The following CA10 variants were observed in gnomAD, a reference collection of about 807,000 sequenced individuals.
The protein encoded by CA10 is carbonic anhydrase-related protein 10.
Under a neutral mutation model 44.2 loss-of-function variants are expected in CA10, and 14 were observed. That is an observed-to-expected ratio of 0.32 (90% CI 0.21 to 0.50). The LOEUF (loss-of-function observed/expected upper bound fraction) is 0.50, where lower values mean the gene tolerates loss of function less well. Ranked by LOEUF, CA10 falls within the 20% of genes least tolerant of loss-of-function variation. The probability of loss-of-function intolerance (pLI) is 0.99; values close to 1 mark genes in which losing one functional copy is unlikely to be tolerated. For missense variants in CA10, 350 were observed against 409.7 expected, an observed-to-expected ratio of 0.85 and a Z score of 1.26; for synonymous variants, 159 against 141.6, an observed-to-expected ratio of 1.12 and a Z score of -0.87.
chr17:51,989,940 C>T (rs576760307), intron 2 of CA10, among the ~76,000 whole-genome samples: 92 of 152,068 alleles, frequency 6.0e-4, no homozygotes, highest in Non-Finnish European at 1.1e-3. Flanking sequence ...CCACATTTTA[C>T]AGAAGAGAAA....
intron 3 of CA10, among the ~76,000 whole-genome samples, chr17:51,754,990 A>G (rs573297484): frequency 3.3e-5 from 5 of 152,118 alleles, no homozygotes; most frequent in African/African-American, 1.2e-4. Context: ...TGTATATTAT[A>G]TATGATACAA....
rs1189166547 is a variant in CA10 at position 52,052,639 on chromosome 17, T to C, written c.136+19680A>G. Among the ~76,000 whole-genome samples, 3 of 152,158 alleles carry C rather than the reference T, an allele frequency of 2.0e-5. No homozygotes were observed. The East Asian group carries it at 5.8e-4, about 29-fold the overall frequency. On this transcript the variant is annotated intron_variant, in intron 2 of 8. Transcript: ENST00000451037. The stretch of plus-strand genomic sequence containing the variant: ...GTGAATAGGATCAGATTTAATAAAA[T>C]AATAAATAAATAACTAGGACTGAGA...
chr17:51,971,283 T>A (rs1984271924), intron 2 of CA10, among the ~76,000 whole-genome samples: 1 of 152,102 alleles, frequency 6.6e-6, no homozygotes, highest in Non-Finnish European at 1.5e-5. Flanking sequence ...AACATTATGC[T>A]TACTATCTTC....
At chr17:52,060,315 G>A (rs969009722) in intron 2 of CA10, among the ~76,000 whole-genome samples, 22 of 152,026 alleles carry the variant, frequency 1.4e-4, no homozygotes, top group African/African-American at 5.1e-4. Context: ...CAGAGGAGAC[G>A]AAAGAGACAT....
chr17:51,794,351 G>C lies in CA10; in HGVS notation c.280-46533C>G, dbSNP rs138490511. Among the ~76,000 whole-genome samples, 103 of 152,310 alleles carry C rather than the reference G, an allele frequency of 6.8e-4. 1 individual carries two copies. Among genetic ancestry groups the C allele is most frequent in the Admixed American group, 1.2e-3 (19 of 15,298 alleles). On this transcript the variant is annotated intron_variant, in intron 3 of 8. Transcript: ENST00000451037. ...TTCATTCTACCAGTAGAAAACTGAGGTCAGAGAGGCTACATGCTTGGTTGA... is the reference window on the plus strand; with the variant it reads ...TTCATTCTACCAGTAGAAAACTGAGCTCAGAGAGGCTACATGCTTGGTTGA...
chr17:51,643,881 A>C (rs946923708), intron 6 of CA10, among the ~76,000 whole-genome samples: 3 of 152,204 alleles, frequency 2.0e-5, no homozygotes, highest in African/African-American at 4.8e-5. Flanking sequence ...TCTCATGCCA[A>C]CCATCTCAAC....
At chr17:52,092,919 C>A (rs1697061675) in intron 1 of CA10, among the ~76,000 whole-genome samples, 1 of 152,110 alleles carries the variant, frequency 6.6e-6, no homozygotes, top group African/African-American at 2.4e-5. Flanking sequence ...CTATGTAAGT[C>A]CTCACTTAAT....
chr17:51,671,193 G>A (rs574519472), intron 4 of CA10, among the ~76,000 whole-genome samples: 2 of 152,036 alleles, frequency 1.3e-5, no homozygotes, highest in Admixed American at 6.5e-5. Context: ...ATTGGGGGCC[G>A]GCCTTTGGCT....
chr17:51,868,057 AACACACACACACACACACACAC>A (rs34631877), intron 3 of CA10, among the ~76,000 whole-genome samples: 1 of 144,848 alleles, frequency 6.9e-6, no homozygotes, highest in Admixed American at 6.9e-5. Context: ...AAGCAGGTGT[AACACACACACACACACACACAC>A]ACACACACAC....
chr17:52,046,259 A>G (rs1254259948), intron 2 of CA10, among the ~76,000 whole-genome samples: 1 of 151,514 alleles, frequency 6.6e-6, no homozygotes, highest in East Asian at 2.0e-4. Flanking sequence ...CCATGACACC[A>G]ACCAAGAACT....
chr17:51,730,608 TAGAAA>T (rs1373614874), intron 4 of CA10, among the ~76,000 whole-genome samples: 9 of 152,302 alleles, frequency 5.9e-5, no homozygotes, highest in East Asian at 1.9e-4. Context: ...CTTTTTCCTT[TAGAAA>T]AGAAATCAAA....
intron 3 of CA10, among the ~76,000 whole-genome samples, chr17:51,882,546 A>G (rs1310675976): frequency 4.6e-5 from 7 of 152,226 alleles, no homozygotes; most frequent in Admixed American, 4.6e-4. Flanking sequence ...ACCTGACTAC[A>G]TCGACCTGGC....
intron 1 of CA10, among the ~76,000 whole-genome samples, chr17:52,108,026 T>A (rs921750331): frequency 2.0e-5 from 3 of 151,902 alleles, no homozygotes; most frequent in Non-Finnish European, 4.4e-5. Flanking sequence ...AATTTGTTTT[T>A]AAAAATAAAA....
intron 1 of CA10, among the ~76,000 whole-genome samples, chr17:52,096,177 TAAAG>T (rs1988396538): frequency 6.6e-6 from 1 of 152,126 alleles, no homozygotes; most frequent in Non-Finnish European, 1.5e-5. Context: ...TAGGCTGACA[TAAAG>T]AAAGCAGCAG....
intron 3 of CA10, among the ~76,000 whole-genome samples, chr17:51,792,319 C>A (rs1239228527): frequency 2.0e-5 from 3 of 152,200 alleles, no homozygotes; most frequent in Admixed American, 6.5e-5. Context: ...TTGCACAAGA[C>A]AGAGGCTCAG....
rs112155953 is a variant in CA10, at chr17:52,094,138, C to T, written c.62-21745G>A. ...GGAGCGGAACATCACACACTGGAGC[C>T]TGCGGGGTGTGGGGGCTGGGGGAGG... On this transcript the variant is annotated intron_variant, in intron 1 of 8. Transcript: ENST00000451037. Among the ~76,000 whole-genome samples the T allele has an allele frequency of 7.1e-3, 1,081 of 152,136 alleles. 12 individuals are homozygous for T. The highest frequency in any genetic ancestry group is 0.025 in the African/African-American group (1,017 of 41,510).
intron 3 of CA10, among the ~76,000 whole-genome samples, chr17:51,778,698 T>C (rs992920064): frequency 2.0e-5 from 3 of 152,214 alleles, no homozygotes; most frequent in Admixed American, 2.0e-4. Flanking sequence ...CCAGGCCTTG[T>C]GCGAGGCATG....
intron 3 of CA10, among the ~76,000 whole-genome samples, chr17:51,893,241 G>A (rs981254443): frequency 5.3e-5 from 8 of 152,106 alleles, no homozygotes; most frequent in African/African-American, 9.7e-5. Flanking sequence ...CTGGTTCTGC[G>A]TGGGTGGAAA....
At chr17:51,839,220 C>T (rs574783404) in intron 3 of CA10, among the ~76,000 whole-genome samples, 6 of 152,246 alleles carry the variant, frequency 3.9e-5, no homozygotes, top group Admixed American at 2.0e-4. Flanking sequence ...TGGCCGGGCA[C>T]GGTGGCTCAT....
Sources: gnomAD v4.1 joint callset for allele counts (sites outside exome capture counted in the v4.1 genomes callset) on GRCh38, gnomAD v4.1.1 for gene constraint, MANE v1.5 for transcripts, NCBI Gene and HGNC (gene_info 2026-07-23, HGNC 2026-07-21) for gene names.